The following FAP variants were observed in gnomAD, a reference collection of about 807,000 sequenced individuals.
The protein encoded by FAP is fibroblast activation protein alpha.
Under a neutral mutation model 126.5 loss-of-function variants are expected in FAP, and 110 were observed. The observed-to-expected ratio is 0.87, with a 90% CI of 0.74 to 1.02. The LOEUF is 1.02. Among genes scored for constraint, FAP ranks in the 50% least tolerant of loss-of-function variants. The pLI, the probability that FAP is intolerant of heterozygous loss-of-function variation, is 0.00. For missense variants in FAP, 919 were observed against 909.2 expected, an observed-to-expected ratio of 1.01 and a Z score of -0.14; for synonymous variants, 334 against 297.3, an observed-to-expected ratio of 1.12 and a Z score of -1.27.
chr2:162,182,462 T>G (rs1687724710), intron 21 of FAP, among the ~76,000 whole-genome samples: 1 of 152,200 alleles, frequency 6.6e-6, no homozygotes, highest in Non-Finnish European at 1.5e-5. Flanking sequence ...CATTTGATAG[T>G]TTTAAGAAGG....
At chr2:162,196,177 A>G (rs1300942559) in intron 16 of FAP, among the ~76,000 whole-genome samples, 1 of 152,118 alleles carries the variant, frequency 6.6e-6, no homozygotes, top group Non-Finnish European at 1.5e-5. Flanking sequence ...GCTTTACCAC[A>G]TTTTCCAACT....
chr2:162,228,447 T>C (rs1299933720), intron 2 of FAP, among the ~76,000 whole-genome samples: 1 of 152,178 alleles, frequency 6.6e-6, no homozygotes, highest in Middle Eastern at 3.2e-3. Context: ...ACATCTTCTG[T>C]TGTTTTAACT....
intron 12 of FAP, 132 bp downstream of exon 12, chr2:162,209,820 T>C (rs1559780151): frequency 1.4e-6 from 1 of 703,112 alleles, no homozygotes; most frequent in Non-Finnish European, 2.4e-6. Context: ...TCACTACCTA[T>C]GTGTTTTATA....
At chr2:162,242,887 C>G in intron 2 of FAP, 21 bp downstream of exon 2, 1 of 1,592,402 alleles carries the variant, frequency 6.3e-7, no homozygotes. Flanking sequence ...GCAGATAGAG[C>G]AAATCAGAGA....
At chr2:162,219,250 T>G in intron 7 of FAP, 67 bp from the exon 8 acceptor site, 1 of 1,440,566 alleles carries the variant, frequency 6.9e-7, no homozygotes. Flanking sequence ...GTTTTAATTA[T>G]TCCTCTAATA....
At chr2:162,202,439 G>A (rs1576162389) in intron 14 of FAP, among the ~76,000 whole-genome samples, 2 of 152,078 alleles carry the variant, frequency 1.3e-5, no homozygotes, top group African/African-American at 2.4e-5. Flanking sequence ...ACAGTATCTG[G>A]TACACAGTAA....
intron 16 of FAP, 40 bp downstream of exon 16, chr2:162,198,717 C>G (rs746674471): frequency 1.2e-6 from 2 of 1,610,364 alleles, no homozygotes; most frequent in South Asian, 1.1e-5. Context: ...GACAACCATG[C>G]CTGTGGGGAT....
At chr2:162,236,517 T>C (rs572098119) in intron 2 of FAP, among the ~76,000 whole-genome samples, 4 of 152,168 alleles carry the variant, frequency 2.6e-5, no homozygotes, top group Middle Eastern at 3.4e-3. Context: ...GCACCACTCA[T>C]GTTTTCTGTT....
chr2:162,241,800 C>G (rs1690360252), intron 2 of FAP, among the ~76,000 whole-genome samples: 1 of 152,154 alleles, frequency 6.6e-6, no homozygotes, highest in South Asian at 2.1e-4. Flanking sequence ...GAATCTTGTG[C>G]TGGCAGAGAG....
chr2:162,183,403 A>T lies in FAP; in HGVS notation c.1869+11T>A, dbSNP rs773063614. On this transcript the variant is annotated intron_variant, in intron 21 of 25. Coordinates refer to ENST00000188790, the MANE Select transcript of FAP (RefSeq NM_004460.5). ...CTGAATAACAGGCATAAAAAATATAAAACAACTCACCCAGCCCCATATGGC... is the reference window on the plus strand; with the variant it reads ...CTGAATAACAGGCATAAAAAATATATAACAACTCACCCAGCCCCATATGGC... 7 of 1,596,788 alleles carry T rather than the reference A, an allele frequency of 4.4e-6. No individual in the cohort carries two copies. In the Admixed American group the frequency reaches 8.5e-5, roughly 19 times the overall value.
chr2:162,207,842 C>G (rs962263044), intron 12 of FAP, among the ~76,000 whole-genome samples: 3 of 151,772 alleles, frequency 2.0e-5, no homozygotes, highest in African/African-American at 7.3e-5. Context: ...TCCTGAGTAG[C>G]TGGGACTACA....
chr2:162,171,856 T>C (rs571370376), intron 25 of FAP: 1 of 152,240 alleles, frequency 6.6e-6, no homozygotes, highest in East Asian at 1.9e-4. Context: ...CAATGTGTAA[T>C]GATCAAATCA....
At position 162,188,239 on chromosome 2, in the gene FAP, C is replaced by T; in HGVS notation, c.1744G>A (p.Asp582Asn). Residue 582 changes from aspartate to asparagine, a missense_variant, in exon 20 of 26, where the codon GAC becomes AAC. By Grantham distance (23) the Asp-to-Asn change is conservative. Coordinates refer to ENST00000188790, the MANE Select transcript of FAP (RefSeq NM_004460.5). The part of the protein sequence containing the change: ...VDGRGTAFQG[D>N]KLLYAVYRKL... ...CGATACACTGCATAGAGGAGTTTGTCACCTTGGAAAGCTGTTCCTCGACCA... is the reference window on the plus strand; with the variant it reads ...CGATACACTGCATAGAGGAGTTTGTTACCTTGGAAAGCTGTTCCTCGACCA... 6.2e-7 allele frequency: 1 copy of T among 1,613,386 alleles called. No individual in the cohort carries two copies. The highest frequency in any genetic ancestry group is 1.1e-5 in the South Asian group (1 of 91,054).
intron 2 of FAP, among the ~76,000 whole-genome samples, chr2:162,235,008 C>T (rs1002535651): frequency 7.9e-5 from 12 of 152,240 alleles, no homozygotes; most frequent in South Asian, 2.1e-4. Flanking sequence ...GAGGGCGAAC[C>T]GGGTCCCCTA....
chr2:162,171,037 T>C lies in FAP; in HGVS notation c.2225A>G (p.Asn742Ser). The C allele has an allele frequency of 6.2e-7, 1 of 1,613,290 alleles. No individual in the cohort carries two copies. Among genetic ancestry groups the C allele is most frequent in the Non-Finnish European group, 8.5e-7 (1 of 1,179,408 alleles). ...GTGGGTCATGTGGGTGTATAAGTGG[T>C]TCGTGGACAGGCCGGATAAGCCGTG... ...QNHGLSGLST[N>S]HLYTHMTHFL... Residue 742 changes from asparagine to serine, a missense_variant, in exon 26 of 26, where the codon AAC (asparagine) becomes AGC (serine). By Grantham distance (46) the Asn-to-Ser change is conservative (BLOSUM62 1). Transcript: ENST00000188790.
intron 22 of FAP, among the ~76,000 whole-genome samples, chr2:162,174,476 G>A (rs1274820379): frequency 6.6e-6 from 1 of 152,146 alleles, no homozygotes; most frequent in Non-Finnish European, 1.5e-5. Flanking sequence ...AATGGAACTG[G>A]CAATTGCTAA....
At chr2:162,223,433 A>G (rs1002134817) in intron 6 of FAP, among the ~76,000 whole-genome samples, 175 bp downstream of exon 6, 2 of 152,204 alleles carry the variant, frequency 1.3e-5, no homozygotes, top group African/African-American at 4.8e-5. Flanking sequence ...GGTATCCCAT[A>G]TAAGTATTTT....
intron 20 of FAP, among the ~76,000 whole-genome samples, chr2:162,184,392 T>G (rs904091537): frequency 6.6e-6 from 1 of 152,256 alleles, no homozygotes; most frequent in African/African-American, 2.4e-5. Context: ...TTAAAGACCT[T>G]TCTCATCAGT....
chr2:162,188,819 G>A (rs1167820725), intron 19 of FAP, among the ~76,000 whole-genome samples: 1 of 151,494 alleles, frequency 6.6e-6, no homozygotes. Context: ...ATTTTTTTTG[G>A]CTGCAATTTC....
Sources: allele counts gnomAD v4.1 joint callset (sites outside exome capture counted in the v4.1 genomes callset), GRCh38; gene constraint gnomAD v4.1.1; transcripts MANE v1.5; gene names NCBI Gene and HGNC (gene_info 2026-07-23, HGNC 2026-07-21).